The following ESRRG variants were observed in gnomAD, a reference collection of about 807,000 sequenced individuals.
ESRRG encodes the protein estrogen related receptor gamma.
Under a neutral mutation model 44.0 loss-of-function variants are expected in ESRRG, and 13 were observed. That is an observed-to-expected ratio of 0.30 (90% CI 0.19 to 0.47). The LOEUF (loss-of-function observed/expected upper bound fraction) is 0.47. ESRRG is among the 20% of genes least tolerant of loss of function. The pLI is 1.00. For synonymous variants in ESRRG, 215 were observed against 214.6 expected, an observed-to-expected ratio of 1.00 and a Z score of -0.02; for missense variants, 395 against 580.6, an observed-to-expected ratio of 0.68 and a Z score of 3.29.
chr1:216,821,687 G>GAAAAAAAAAAAAAAA (rs1251334274), intron 2 of ESRRG, among the ~76,000 whole-genome samples: 1 of 54,198 alleles, frequency 1.8e-5, no homozygotes, highest in Non-Finnish European at 4.0e-5. Context: ...CCTGCCTCAG[G>GAAAAAAAAAAAAAAA]AAAAATAAAT....
intron 1 of ESRRG, among the ~76,000 whole-genome samples, chr1:216,690,711 C>G (rs1307400392): frequency 2.0e-5 from 3 of 152,078 alleles, no homozygotes; most frequent in African/African-American, 7.2e-5. Context: ...CGTAAATAAC[C>G]AGATCTAGAA....
At chr1:216,564,149 C>A in intron 5 of ESRRG, 70 bp downstream of exon 5, 1 of 949,056 alleles carries the variant, frequency 1.1e-6, no homozygotes, top group South Asian at 2.9e-5. Flanking sequence ...TGAATTCACC[C>A]AAATCTATAT....
chr1:216,782,899 G>A (rs1317722751), intron 2 of ESRRG, among the ~76,000 whole-genome samples: 2 of 152,000 alleles, frequency 1.3e-5, no homozygotes, highest in Non-Finnish European at 2.9e-5. Flanking sequence ...AGTTTTAATA[G>A]GTATTCAATC....
chr1:216,582,599 C>T (rs1212642417), intron 3 of ESRRG, among the ~76,000 whole-genome samples: 1 of 152,128 alleles, frequency 6.6e-6, no homozygotes, highest in Non-Finnish European at 1.5e-5. Context: ...TGCCACTATG[C>T]CTGGCTAATT....
At chr1:217,058,346 T>C (rs2087590025) in intron 1 of ESRRG, among the ~76,000 whole-genome samples, 1 of 152,104 alleles carries the variant, frequency 6.6e-6, no homozygotes, top group African/African-American at 2.4e-5. Context: ...CTCAAACAAA[T>C]TGTTATGAAT....
intron 3 of ESRRG, among the ~76,000 whole-genome samples, chr1:216,634,788 G>C (rs577491057): frequency 6.6e-6 from 1 of 152,262 alleles, no homozygotes; most frequent in African/African-American, 2.4e-5. Flanking sequence ...GTGTGGGTTG[G>C]TGGGTTACAG....
chr1:216,827,270 G>A (rs1233303490), intron 2 of ESRRG, among the ~76,000 whole-genome samples: 1 of 152,140 alleles, frequency 6.6e-6, no homozygotes, highest in Non-Finnish European at 1.5e-5. Context: ...TGAAAAAGAA[G>A]TCTGTAAAAT....
chr1:216,925,102 G>A (rs1234523912), intron 2 of ESRRG, among the ~76,000 whole-genome samples: 1 of 152,086 alleles, frequency 6.6e-6, no homozygotes, highest in Non-Finnish European at 1.5e-5. Context: ...AAAGGTTTGG[G>A]GACTTAAACA....
rs2096078715 is a variant in ESRRG at position 216,863,070 on chromosome 1, G to A, written c.-14+76512C>T. 3 of 152,296 alleles carry A rather than the reference G, an allele frequency of 2.0e-5. No individual in the cohort carries two copies. The South Asian group carries it at 6.2e-4, about 32-fold the overall frequency. 9.4% of individuals were successfully genotyped at this position (152,296 alleles called of 1,614,324 possible). ...TACATGAAAAAAAGTAGAGACCAGTGATTCTTAAACTTTGATACCCATCAG... is the reference window on the plus strand; with the variant it reads ...TACATGAAAAAAAGTAGAGACCAGTAATTCTTAAACTTTGATACCCATCAG... On this transcript the variant is annotated intron_variant, in intron 2 of 7. Transcript: ENST00000359162.
intron 3 of ESRRG, among the ~76,000 whole-genome samples, chr1:216,583,328 T>A (rs2063159697): frequency 6.6e-6 from 1 of 152,228 alleles, no homozygotes; most frequent in African/African-American, 2.4e-5. Flanking sequence ...CAATGGTTAT[T>A]CCATAATTCC....
intron 2 of ESRRG, among the ~76,000 whole-genome samples, chr1:216,672,931 C>T (rs911758675): frequency 1.3e-5 from 2 of 152,036 alleles, no homozygotes; most frequent in African/African-American, 4.8e-5. Flanking sequence ...CATGAAAATG[C>T]CTATGGATGC....
intron 2 of ESRRG, among the ~76,000 whole-genome samples, chr1:216,763,350 A>G (rs1031983575): frequency 4.6e-5 from 7 of 152,142 alleles, no homozygotes; most frequent in Admixed American, 1.3e-4. Context: ...ATTTAGAAAA[A>G]ACAAAAAACA....
At chr1:216,936,396 A>G (rs2064153920) in intron 2 of ESRRG, among the ~76,000 whole-genome samples, 1 of 152,118 alleles carries the variant, frequency 6.6e-6, no homozygotes, top group Non-Finnish European at 1.5e-5. Context: ...GCATATTACC[A>G]TTAACAGAAT....
chr1:217,091,357 A>T (rs2092342322), upstream of ESRRG, among the ~76,000 whole-genome samples: 1 of 152,170 alleles, frequency 6.6e-6, no homozygotes, highest in Admixed American at 6.5e-5. Context: ...AAACTTTTGA[A>T]TTCATCCATA....
chr1:217,075,535 AC>A (rs2091165765), intron 1 of ESRRG, among the ~76,000 whole-genome samples: 1 of 151,368 alleles, frequency 6.6e-6, no homozygotes, highest in Non-Finnish European at 1.5e-5. Context: ...ATTATATTTT[AC>A]CCCAAACTCC....
intron 1 of ESRRG, among the ~76,000 whole-genome samples, chr1:217,098,189 CT>C (rs1205012260): frequency 6.6e-6 from 1 of 152,170 alleles, no homozygotes; most frequent in African/African-American, 2.4e-5. Context: ...ACCCATAAAG[CT>C]TATCCCTTCT....
intron 2 of ESRRG, among the ~76,000 whole-genome samples, chr1:216,936,353 T>G (rs2064148435): frequency 6.6e-6 from 1 of 152,082 alleles, no homozygotes; most frequent in Non-Finnish European, 1.5e-5. Flanking sequence ...ATAAAAGAAA[T>G]GAAATGTCTT....
intron 1 of ESRRG, among the ~76,000 whole-genome samples, chr1:216,941,581 C>T (rs924456714): frequency 1.2e-4 from 19 of 152,004 alleles, no homozygotes; most frequent in Non-Finnish European, 4.4e-5. Flanking sequence ...GGTTTGTGGG[C>T]GAGGGGAGAC....
intron 3 of ESRRG, among the ~76,000 whole-genome samples, chr1:216,575,491 G>A (rs2061535032): frequency 6.6e-6 from 1 of 152,088 alleles, no homozygotes; most frequent in Non-Finnish European, 1.5e-5. Context: ...ATAGTGGCCG[G>A]TGACTAGCAG....
Sources: gnomAD v4.1 joint callset for allele counts (sites outside exome capture counted in the v4.1 genomes callset) on GRCh38, gnomAD v4.1.1 for gene constraint, MANE v1.5 for transcripts, NCBI Gene and HGNC (gene_info 2026-07-23, HGNC 2026-07-21) for gene names.